COPG2: variants seen among roughly 807,000 people sequenced by gnomAD.
COPG2 encodes the protein coat protein complex I subunit gamma 2.
In COPG2, 37 loss-of-function variants were observed where a neutral mutation model predicts 46.3. That is an observed-to-expected ratio of 0.80 (90% CI 0.61 to 1.05). COPG2 has a LOEUF of 1.05. COPG2 is among the 50% of genes least tolerant of loss of function. COPG2 has a pLI of 0.00. For synonymous variants in COPG2, 159 were observed against 129.7 expected, an observed-to-expected ratio of 1.23 and a Z score of -1.53; for missense variants, 427 against 387.8, an observed-to-expected ratio of 1.10 and a Z score of -0.85.
At chr7:130,614,272 T>C (rs1201199052) in intron 6 of COPG2, among the ~76,000 whole-genome samples, 1 of 152,190 alleles carries the variant, frequency 6.6e-6, no homozygotes, top group Non-Finnish European at 1.5e-5. Flanking sequence ...AGCACTAGCA[T>C]GGTCAAGTCT....
At chr7:130,621,131 G>A (rs1421412372) in intron 5 of COPG2, among the ~76,000 whole-genome samples, 7 of 152,144 alleles carry the variant, frequency 4.6e-5, no homozygotes, top group African/African-American at 1.7e-4. Context: ...GATGGGAAAG[G>A]GGAGCTAGGA....
At chr7:130,595,098 A>C (rs782343018) in intron 9 of COPG2, among the ~76,000 whole-genome samples, 3 of 152,254 alleles carry the variant, frequency 2.0e-5, no homozygotes, top group Non-Finnish European at 4.4e-5. Context: ...AATAGCCAAA[A>C]AATGAATACG....
At chr7:130,514,124 G>A (rs1310545790) in intron 20 of COPG2, among the ~76,000 whole-genome samples, 1 of 152,228 alleles carries the variant, frequency 6.6e-6, no homozygotes, top group Non-Finnish European at 1.5e-5. Flanking sequence ...ACTTTGAAAA[G>A]CAGTAGATAC....
Position 130,555,152 on chromosome 7 carries a change from A to G in COPG2, c.1129-20T>C, listed in dbSNP as rs1054999384. 2.1e-4 allele frequency: 83 copies of G among 398,156 alleles called. No homozygotes were observed. The highest frequency in any genetic ancestry group is 4.0e-5 in the Non-Finnish European group (9 of 225,864). The allele number at this position is 398,156 out of a possible 1,614,324, so 24.7% of individuals were successfully genotyped here. On this transcript the variant is annotated intron_variant, in intron 12 of 23. Coordinates refer to ENST00000425248, the MANE Select transcript of COPG2 (RefSeq NM_012133.6). ...CACCACCTGTAGAAAAACAAAAAGA[A>G]TATTCATTTTTATGACTGTACAACT...
At chr7:130,563,421 T>C (rs934690617) in intron 10 of COPG2, 85 bp from the exon 11 acceptor site, 2 of 386,640 alleles carry the variant, frequency 5.2e-6, no homozygotes, top group African/African-American at 2.1e-5. Context: ...AAGAGAACTA[T>C]AGAAAAGTTG....
At chr7:130,608,257 T>C (rs1554451568) in intron 9 of COPG2, 3 of 452,428 alleles carry the variant, frequency 6.6e-6, no homozygotes. Context: ...CTCATGCCCT[T>C]TATACTACTA....
intron 9 of COPG2, chr7:130,603,809 G>A: frequency 3.9e-6 from 2 of 518,458 alleles, no homozygotes; most frequent in South Asian, 2.8e-5. Context: ...CGAACAACAT[G>A]GGGTTAACAG....
In COPG2 at chr7:130,626,400, A is replaced by ATT. The variant is rs60484682; in HGVS notation, c.324-9337_324-9336dup. On this transcript the variant is annotated intron_variant, in intron 5 of 23. Transcript: ENST00000425248. Reference sequence around the variant, plus strand: ...GAGTGCCTGCCACCACACCAGGCTAATTTTTTTTTTTTTTTTTTTTTCTAT... The same window carrying ATT: ...GAGTGCCTGCCACCACACCAGGCTAATTTTTTTTTTTTTTTTTTTTTTTCTAT... Among the ~76,000 whole-genome samples the ATT allele has an allele frequency of 1.5e-4, 18 of 119,828 alleles. 1 individual carries two copies. Among genetic ancestry groups the ATT allele is most frequent in the African/African-American group, 4.9e-4 (15 of 30,864 alleles). 78.6% of individuals were successfully genotyped at this position (119,828 alleles called of 152,430 possible). A position where few individuals can be genotyped will look rare whatever the true frequency, so the allele number is the denominator to read the frequency against.
intron 20 of COPG2, chr7:130,511,556 C>T: frequency 3.8e-6 from 2 of 519,756 alleles, no homozygotes; most frequent in South Asian, 1.4e-5. Context: ...TGGAAAGCAA[C>T]ATTAGAGTTG....
chr7:130,608,027 G>C, intron 9 of COPG2: 1 of 340,868 alleles, frequency 2.9e-6, no homozygotes, highest in South Asian at 2.5e-5. Flanking sequence ...AGCTGGCCAA[G>C]CTACACCATT....
rs140522543 is a variant in COPG2, at chr7:130,633,727, G to C, written c.324-16662C>G. Among the ~76,000 whole-genome samples, 308 of 152,260 alleles carry C rather than the reference G, an allele frequency of 2.0e-3. 2 individuals are homozygous for C. The highest frequency in any genetic ancestry group is 3.6e-3 in the Non-Finnish European group (242 of 68,024). On this transcript the variant is annotated intron_variant, in intron 5 of 23. Coordinates refer to ENST00000425248, the MANE Select transcript of COPG2 (RefSeq NM_012133.6). Reference sequence around the variant, plus strand: ...GTGCAGAAGCTCTTTAGTTTAATTAGATCCCATTTGTCTATTTTGGCTTTT... The same window carrying C: ...GTGCAGAAGCTCTTTAGTTTAATTACATCCCATTTGTCTATTTTGGCTTTT...
chr7:130,640,521 T>G (rs1795444434), intron 5 of COPG2, among the ~76,000 whole-genome samples: 1 of 152,140 alleles, frequency 6.6e-6, no homozygotes, highest in Admixed American at 6.6e-5. Context: ...ATTAGAAGTC[T>G]CCTGGCTTTC....
At chr7:130,632,075 G>GA (rs1416135471) in intron 5 of COPG2, among the ~76,000 whole-genome samples, 2 of 152,066 alleles carry the variant, frequency 1.3e-5, no homozygotes, top group African/African-American at 2.4e-5. Flanking sequence ...GTTTTGGTGG[G>GA]ATCAATCTAG....
rs1041831586 is a variant in COPG2 at position 130,546,258 on chromosome 7, T to C, written c.2149+1416A>G. 9.6e-3 allele frequency among the ~76,000 whole-genome samples: 1,460 copies of C among 152,262 alleles called. 12 individuals are homozygous for C. Among genetic ancestry groups the C allele is most frequent in the Non-Finnish European group, 0.013 (852 of 68,024 alleles). On this transcript the variant is annotated intron_variant, in intron 20 of 23. Coordinates refer to ENST00000425248, the MANE Select transcript of COPG2 (RefSeq NM_012133.6). ...AGAAACCACAGGACTACATTAAGAT[T>C]GGGCCCAAATACTAGTTTAGAAAAA...
intron 14 of COPG2, 104 bp downstream of exon 14, chr7:130,554,377 C>T: frequency 2.5e-6 from 1 of 396,342 alleles, no homozygotes; most frequent in Non-Finnish European, 4.4e-6. Context: ...CTCTAAAATC[C>T]CACCATCCAA....
intron 8 of COPG2, 63 bp from the exon 9 acceptor site, chr7:130,611,173 A>C: frequency 6.9e-7 from 1 of 1,445,344 alleles, no homozygotes; most frequent in Non-Finnish European, 9.5e-7. Flanking sequence ...TTTACACAAA[A>C]ATAGAATTAC....
At chr7:130,643,451 CATT>C (rs1323833495) in intron 5 of COPG2, among the ~76,000 whole-genome samples, 1 of 152,064 alleles carries the variant, frequency 6.6e-6, no homozygotes. Context: ...GTCATTTTTA[CATT>C]ATTATTATTT....
At chr7:130,596,558 G>A (rs1554449697) in intron 9 of COPG2, among the ~76,000 whole-genome samples, 2 of 152,102 alleles carry the variant, frequency 1.3e-5, no homozygotes, top group African/African-American at 4.8e-5. Flanking sequence ...TGGACGCCTG[G>A]GCAACACTAG....
At chr7:130,643,710 C>G (rs1302540160) in intron 5 of COPG2, among the ~76,000 whole-genome samples, 1 of 152,156 alleles carries the variant, frequency 6.6e-6, no homozygotes, top group Non-Finnish European at 1.5e-5. Context: ...GTGATCCCAG[C>G]ACTTTGGGAG....
Sources: gnomAD v4.1 joint callset for allele counts (sites outside exome capture counted in the v4.1 genomes callset) on GRCh38, gnomAD v4.1.1 for gene constraint, MANE v1.5 for transcripts, NCBI Gene and HGNC (gene_info 2026-07-23, HGNC 2026-07-21) for gene names.